CMSS1: variants seen among roughly 807,000 people sequenced by gnomAD.
CMSS1 encodes the protein protein CMSS1.
CMSS1 carries 33 observed loss-of-function variants against 43.5 expected under a neutral mutation model. The observed-to-expected ratio is 0.76, with a 90% confidence interval of 0.57 to 1.01. The LOEUF (loss-of-function observed/expected upper bound fraction) is 1.01, where lower values mean the gene tolerates loss of function less well. Among genes scored for constraint, CMSS1 ranks in the 50% least tolerant of loss-of-function variants. The probability of loss-of-function intolerance (pLI) is 0.00; values close to 1 mark genes in which losing one functional copy is unlikely to be tolerated. For synonymous variants in CMSS1, 115 were observed against 117.2 expected, an observed-to-expected ratio of 0.98 and a Z score of 0.12; for missense variants, 313 against 326.4, an observed-to-expected ratio of 0.96 and a Z score of 0.32.
chr3:99,895,391 T>G (rs1706217012), intron 1 of CMSS1, among the ~76,000 whole-genome samples: 1 of 151,952 alleles, frequency 6.6e-6, no homozygotes, highest in Admixed American at 6.5e-5. Context: ...TTTTTTTTTT[T>G]TTTTACTATG....
intron 1 of CMSS1, among the ~76,000 whole-genome samples, chr3:100,090,041 G>A (rs1424072101): frequency 1.3e-5 from 2 of 152,192 alleles, no homozygotes; most frequent in African/African-American, 4.8e-5. Context: ...GGAGTGCGTG[G>A]AGCCACAGAA....
At position 100,160,475 on chromosome 3, in the gene CMSS1, A is replaced by G. The variant is rs746519805; in HGVS notation, c.199A>G (p.Thr67Ala). Residue 67 changes from threonine (T) to alanine (A), a missense_variant, in exon 3 of 10, where the codon ACC (threonine) becomes GCC (alanine). Transcript: ENST00000421999. ...LIQPKERKENTTKTRKRRKKK... is the reference protein window; with the variant it reads ...LIQPKERKENATKTRKRRKKK... ...ACAACCAAAGGAAAGAAAAGAGAAT[A>G]CCACCAAGACCAGGAAAAGAAGAAA... The G allele has an allele frequency of 6.6e-7, 1 of 1,512,414 alleles. No homozygotes were observed. Among genetic ancestry groups the G allele is most frequent in the Non-Finnish European group, 9.2e-7 (1 of 1,091,808 alleles). 93.7% of individuals were successfully genotyped at this position (1,512,414 alleles called of 1,614,324 possible).
At chr3:99,866,218 A>G (rs1944509237) in intron 1 of CMSS1, among the ~76,000 whole-genome samples, 1 of 151,448 alleles carries the variant, frequency 6.6e-6, no homozygotes, top group Non-Finnish European at 1.5e-5. Flanking sequence ...TTCTTACCTT[A>G]ATTGTTGTTC....
chr3:100,156,612 G>GTTTGTT (rs1223189824), intron 2 of CMSS1, among the ~76,000 whole-genome samples: 2 of 147,430 alleles, frequency 1.4e-5, no homozygotes, highest in Non-Finnish European at 3.0e-5. Flanking sequence ...CAGCCTTTTT[G>GTTTGTT]TTTGTTTTTG....
intron 1 of CMSS1, among the ~76,000 whole-genome samples, chr3:100,079,460 A>G (rs1486031042): frequency 6.6e-6 from 1 of 152,190 alleles, no homozygotes; most frequent in Non-Finnish European, 1.5e-5. Flanking sequence ...CACTGAAGTG[A>G]TGTTTATGTT....
chr3:100,027,547 G>A (rs890152943), intron 1 of CMSS1, among the ~76,000 whole-genome samples: 1 of 152,110 alleles, frequency 6.6e-6, no homozygotes, highest in South Asian at 2.1e-4. Flanking sequence ...CCACAGATGA[G>A]TTCTTCCCTT....
At chr3:100,155,500 C>T (rs972680083) in intron 2 of CMSS1, among the ~76,000 whole-genome samples, 3 of 152,122 alleles carry the variant, frequency 2.0e-5, no homozygotes, top group African/African-American at 7.2e-5. Flanking sequence ...CTGCAAAACT[C>T]CATATTTCTA....
At chr3:100,117,770 A>G (rs2107488329) in intron 1 of CMSS1, among the ~76,000 whole-genome samples, 1 of 145,986 alleles carries the variant, frequency 6.8e-6, no homozygotes, top group East Asian at 2.0e-4. Flanking sequence ...TTACCATCAC[A>G]ATAGCCAAAA....
At chr3:100,067,019 TC>T (rs2065677623) in intron 1 of CMSS1, among the ~76,000 whole-genome samples, 1 of 152,216 alleles carries the variant, frequency 6.6e-6, no homozygotes, top group Non-Finnish European at 1.5e-5. Flanking sequence ...GATTCCTCAG[TC>T]AAGTGTGCTT....
intron 1 of CMSS1, among the ~76,000 whole-genome samples, chr3:99,936,369 CTTTTTTT>C (rs548149257): frequency 1.2e-5 from 1 of 86,384 alleles, no homozygotes; most frequent in African/African-American, 4.8e-5. Flanking sequence ...AGCTTGAAGC[CTTTTTTT>C]TTTTTTTTTT....
intron 1 of CMSS1, among the ~76,000 whole-genome samples, chr3:99,863,711 ATG>A (rs1197105784): frequency 6.6e-6 from 1 of 152,178 alleles, no homozygotes; most frequent in Non-Finnish European, 1.5e-5. Context: ...ATATTTCAAA[ATG>A]TGTGTATTAA....
chr3:100,125,071 T>G (rs2066652679), intron 1 of CMSS1, among the ~76,000 whole-genome samples: 1 of 152,312 alleles, frequency 6.6e-6, no homozygotes, highest in Admixed American at 6.5e-5. Flanking sequence ...CCATTTCTTC[T>G]TAGTGCCACT....
At chr3:99,931,244 T>C (rs1707473906) in intron 1 of CMSS1, among the ~76,000 whole-genome samples, 2 of 152,158 alleles carry the variant, frequency 1.3e-5, no homozygotes, top group Admixed American at 1.3e-4. Context: ...TAAAAAAAGG[T>C]GTTCTGTCTT....
At position 99,847,914 on chromosome 3, in the gene CMSS1, T is replaced by G. The variant is rs571820047; in HGVS notation, c.64+29871T>G. On this transcript the variant is annotated intron_variant, in intron 1 of 9. Coordinates refer to ENST00000421999, the MANE Select transcript of CMSS1 (RefSeq NM_032359.4). Reference sequence around the variant, plus strand: ...TAACACAGAATGACCAAAAGAAAATTCAGCAAGCAATGGTAAAAATAACAA... The same window carrying G: ...TAACACAGAATGACCAAAAGAAAATGCAGCAAGCAATGGTAAAAATAACAA... The G allele has an allele frequency of 4.2e-5, 42 of 988,356 alleles. No homozygotes were observed. In the South Asian group the frequency reaches 1.5e-3, roughly 35 times the overall value. 61.2% of individuals were successfully genotyped at this position (988,356 alleles called of 1,614,324 possible).
At chr3:100,114,537 T>A (rs1160901251) in intron 1 of CMSS1, 2 of 175,964 alleles carry the variant, frequency 1.1e-5, no homozygotes, top group African/African-American at 4.8e-5. Context: ...TTTGCATGCC[T>A]GTGCCCAGCA....
At chr3:100,101,571 C>T (rs1054071521) in intron 1 of CMSS1, among the ~76,000 whole-genome samples, 4 of 152,114 alleles carry the variant, frequency 2.6e-5, no homozygotes, top group Non-Finnish European at 5.9e-5. Context: ...AACACATGCA[C>T]TCTCTGATCC....
At chr3:100,025,301 T>C (rs1236700076) in intron 1 of CMSS1, 1 of 152,156 alleles carries the variant, frequency 6.6e-6, no homozygotes, top group African/African-American at 2.4e-5. Context: ...TGCTTTTGGG[T>C]TTGAGCCAGA....
chr3:100,162,260 T>A, intron 3 of CMSS1, 43 bp from the exon 4 acceptor site: 1 of 1,586,562 alleles, frequency 6.3e-7, no homozygotes. Flanking sequence ...CAAATGCCAT[T>A]TTAAAATATG....
At position 100,077,565 on chromosome 3, in the gene CMSS1, A is replaced by T. The variant is rs73144445; in HGVS notation, c.65-69408A>T. On this transcript the variant is annotated intron_variant, in intron 1 of 9. Coordinates refer to ENST00000421999, the MANE Select transcript of CMSS1 (RefSeq NM_032359.4). ...ATTCCAGGTAGAGGAATTGCAAGAT[A>T]GCCTTCATCCCCACAAGAATTAACA... Among the ~76,000 whole-genome samples, 435 of 152,354 alleles carry T rather than the reference A, an allele frequency of 2.9e-3. 3 individuals carry two copies. Among genetic ancestry groups the T allele is most frequent in the Non-Finnish European group, 4.5e-3 (307 of 68,032 alleles).
Sources: allele counts gnomAD v4.1 joint callset (sites outside exome capture counted in the v4.1 genomes callset), GRCh38; gene constraint gnomAD v4.1.1; transcripts MANE v1.5; gene names NCBI Gene and HGNC (gene_info 2026-07-23, HGNC 2026-07-21).